PRKD1: variants seen among roughly 807,000 people sequenced by gnomAD.
The protein encoded by PRKD1 is protein kinase D1.
A neutral mutation model predicts 95.9 loss-of-function variants in PRKD1; 63 were observed. That is an observed-to-expected ratio of 0.66 (90% CI 0.54 to 0.81). PRKD1 has a LOEUF of 0.81. Ranked by LOEUF, PRKD1 falls within the 30% of genes least tolerant of loss-of-function variation. PRKD1 has a pLI of 0.00. For missense variants in PRKD1, 1,048 were observed against 1,165.3 expected (o/e 0.90, Z 1.47); for synonymous variants, 425 against 423.1 (o/e 1.00, Z -0.05).
intron 1 of PRKD1, among the ~76,000 whole-genome samples, chr14:29,901,865 A>C (rs1253229578): frequency 4.6e-5 from 7 of 152,210 alleles, no homozygotes; most frequent in African/African-American, 1.7e-4. Context: ...AAGATTATTA[A>C]GATGCAGAAA....
chr14:29,599,590 T>C (rs202045310), intron 14 of PRKD1, 66 bp downstream of exon 14: 1 of 1,458,316 alleles, frequency 6.9e-7, no homozygotes, highest in Non-Finnish European at 9.4e-7. Context: ...TAGAAAGCTG[T>C]AGTTAAACAG....
At chr14:29,634,348 C>T in intron 8 of PRKD1, 70 bp downstream of exon 8, 1 of 1,608,812 alleles carries the variant, frequency 6.2e-7, no homozygotes, top group Non-Finnish European at 8.5e-7. Context: ...TCACAGTCCT[C>T]ACGGGACATT....
intron 13 of PRKD1, among the ~76,000 whole-genome samples, chr14:29,621,952 T>C (rs1412228285): frequency 6.6e-6 from 1 of 152,204 alleles, no homozygotes; most frequent in East Asian, 1.9e-4. Context: ...AACCTTATTA[T>C]GATGAAGGAT....
chr14:29,867,780 T>C (rs1892961212), intron 1 of PRKD1, among the ~76,000 whole-genome samples: 2 of 152,130 alleles, frequency 1.3e-5, no homozygotes, highest in Admixed American at 6.6e-5. Context: ...ATATAGGAAA[T>C]GTCCCAAAAG....
intron 1 of PRKD1, among the ~76,000 whole-genome samples, chr14:29,816,667 A>G (rs1336061041): frequency 1.3e-5 from 2 of 152,208 alleles, no homozygotes; most frequent in Non-Finnish European, 2.9e-5. Flanking sequence ...CCAGAAGTTC[A>G]CATTTACTCT....
chr14:29,687,877 T>C (rs1433723388), intron 2 of PRKD1, among the ~76,000 whole-genome samples: 1 of 152,218 alleles, frequency 6.6e-6, no homozygotes, highest in Non-Finnish European at 1.5e-5. Context: ...CCATTTGCTG[T>C]CTTCAAGACC....
chr14:29,701,616 C>A (rs1355996900), intron 2 of PRKD1, among the ~76,000 whole-genome samples: 2 of 152,110 alleles, frequency 1.3e-5, no homozygotes, highest in Admixed American at 1.3e-4. Context: ...TTAGTTGGTA[C>A]CCTAATTATT....
intron 4 of PRKD1, among the ~76,000 whole-genome samples, chr14:29,658,387 T>C (rs1368778206): frequency 1.3e-5 from 2 of 152,350 alleles, no homozygotes; most frequent in Middle Eastern, 3.4e-3. Flanking sequence ...TTTACCACTG[T>C]CAGACTTCTT....
chr14:29,824,645 G>A (rs2139276680), intron 1 of PRKD1, among the ~76,000 whole-genome samples: 1 of 152,158 alleles, frequency 6.6e-6, no homozygotes, highest in African/African-American at 2.4e-5. Context: ...CAAACAATTT[G>A]GCTGACATCA....
chr14:29,645,358 T>C (rs1454588464), intron 4 of PRKD1, among the ~76,000 whole-genome samples: 2 of 152,274 alleles, frequency 1.3e-5, no homozygotes, highest in Admixed American at 6.5e-5. Flanking sequence ...CAATAACTAG[T>C]GGAATAAACA....
At chr14:29,695,170 G>A (rs1300261938) in intron 2 of PRKD1, among the ~76,000 whole-genome samples, 1 of 150,908 alleles carries the variant, frequency 6.6e-6, no homozygotes, top group African/African-American at 2.4e-5. Context: ...GGAGGCGGAG[G>A]TTGCAGTGAG....
At chr14:29,895,447 G>A (rs181282314) in intron 1 of PRKD1, among the ~76,000 whole-genome samples, 17 of 151,894 alleles carry the variant, frequency 1.1e-4, no homozygotes, top group African/African-American at 2.7e-4. Flanking sequence ...GCCCCTAGCC[G>A]CCCTCCCTGT....
intron 2 of PRKD1, among the ~76,000 whole-genome samples, chr14:29,706,395 G>A (rs1885092812): frequency 6.6e-6 from 1 of 152,024 alleles, no homozygotes; most frequent in South Asian, 2.1e-4. Flanking sequence ...GTTAGATGCT[G>A]TTAAAATTAT....
At chr14:29,672,866 C>A (rs937987648) in intron 2 of PRKD1, among the ~76,000 whole-genome samples, 2 of 151,682 alleles carry the variant, frequency 1.3e-5, no homozygotes, top group African/African-American at 2.4e-5. Flanking sequence ...AGAAAGTTAA[C>A]ATGTATTTAC....
chr14:29,863,408 C>T (rs1594585544), intron 1 of PRKD1, among the ~76,000 whole-genome samples: 3 of 152,156 alleles, frequency 2.0e-5, no homozygotes, highest in Admixed American at 2.0e-4. Flanking sequence ...AATCCCACTC[C>T]CCTGGAGATC....
intron 1 of PRKD1, among the ~76,000 whole-genome samples, chr14:29,908,397 G>T (rs768933669): frequency 6.6e-6 from 1 of 152,138 alleles, no homozygotes; most frequent in Non-Finnish European, 1.5e-5. Context: ...AGGTTCAAGA[G>T]ATTCTTCTGC....
At chr14:29,611,858 G>T (rs1346977451) in intron 13 of PRKD1, among the ~76,000 whole-genome samples, 1 of 151,752 alleles carries the variant, frequency 6.6e-6, no homozygotes, top group African/African-American at 2.4e-5. Context: ...TCAAATGTCT[G>T]GAAATGAAGA....
At chr14:29,676,129 T>TAAA (rs1190035364) in intron 2 of PRKD1, among the ~76,000 whole-genome samples, 1 of 150,682 alleles carries the variant, frequency 6.6e-6, no homozygotes, top group Admixed American at 6.6e-5. Context: ...AAAAAATTTT[T>TAAA]AAAAAAGTAA....
intron 1 of PRKD1, among the ~76,000 whole-genome samples, chr14:29,815,142 C>T (rs61979969): frequency 0.021 from 3,205 of 152,212 alleles, 52 homozygotes; most frequent in Non-Finnish European, 0.035. Context: ...ATCAAACGAC[C>T]TTATAATCAT....
Sources: allele counts gnomAD v4.1 joint callset (sites outside exome capture counted in the v4.1 genomes callset), GRCh38; gene constraint gnomAD v4.1.1; transcripts MANE v1.5; gene names NCBI Gene and HGNC (gene_info 2026-07-23, HGNC 2026-07-21).